Variants in ATP6V0A4 observed in about 807,000 individuals in gnomAD.
ATP6V0A4 encodes ATPase H+ transporting V0 subunit a4, also known as V-type proton ATPase 116 kDa subunit a 4.
In ATP6V0A4, 86 loss-of-function variants were observed where a neutral mutation model predicts 107.3. That is an observed-to-expected ratio of 0.80 (90% CI 0.67 to 0.96). The LOEUF (loss-of-function observed/expected upper bound fraction) is 0.96, where lower values mean the gene tolerates loss of function less well. Ranked by LOEUF, ATP6V0A4 falls within the 40% of genes least tolerant of loss-of-function variation. The pLI is 0.00. For missense variants in ATP6V0A4, 908 were observed against 1,045.6 expected (o/e 0.87, Z 1.81); for synonymous variants, 353 against 381.4 (o/e 0.93, Z 0.87).
intron 12 of ATP6V0A4, 120 bp downstream of exon 12, chr7:138,749,047 T>C: frequency 7.6e-7 from 1 of 1,316,330 alleles, no homozygotes. Flanking sequence ...TTCCCACAGC[T>C]ACTACCCTAG....
rs576414749 is a variant in ATP6V0A4, at chr7:138,724,601, G to A, written c.2011-2576C>T. 3.9e-5 allele frequency among the ~76,000 whole-genome samples: 6 copies of A among 152,308 alleles called. No individual in the cohort carries two copies. The East Asian group carries it at 9.7e-4, about 25-fold the overall frequency. ...TGCCAAGAGCCAGCTTCTAGGTTAG[G>A]CTGTCCCCAACACCTTGTGGTTCTT... On this transcript the variant is annotated intron_variant, in intron 18 of 21. Transcript: ENST00000310018.
Position 138,747,571 on chromosome 7 carries a change from AG to A in ATP6V0A4, c.1181-8del. 6.2e-7 allele frequency: 1 copy of A among 1,613,808 alleles called. No homozygotes were observed. Among genetic ancestry groups the A allele is most frequent in the East Asian group, 2.2e-5 (1 of 44,838 alleles). On this transcript the variant is annotated splice_region_variant and splice_polypyrimidine_tract_variant and intron_variant, in intron 12 of 21. Coordinates refer to ENST00000310018, the MANE Select transcript of ATP6V0A4 (RefSeq NM_020632.3). ...GTGATGATGGTGTAGGGGGCTGCGG[AG>A]GGGAGACACACAACGCCTGAGGCCT... is the stretch of plus-strand genomic sequence containing the variant.
intron 14 of ATP6V0A4, among the ~76,000 whole-genome samples, chr7:138,744,167 GC>G (rs1276954875): frequency 2.6e-5 from 4 of 151,246 alleles, no homozygotes; most frequent in Non-Finnish European, 5.9e-5. Context: ...GGTGTCCCCT[GC>G]CCCCAACTCT....
intron 8 of ATP6V0A4, among the ~76,000 whole-genome samples, chr7:138,758,692 G>GTT (rs1052026986): frequency 7.0e-6 from 1 of 141,928 alleles, no homozygotes; most frequent in Admixed American, 7.4e-5. Flanking sequence ...TCTGGGAGTT[G>GTT]TAAGAACTGC....
intron 20 of ATP6V0A4, among the ~76,000 whole-genome samples, chr7:138,713,402 A>G (rs1465120404): frequency 2.0e-5 from 3 of 151,848 alleles, no homozygotes; most frequent in African/African-American, 7.3e-5. Context: ...TTGTGGGAGG[A>G]AATGAACACA....
At chr7:138,708,973 C>T (rs1042884832) in intron 21 of ATP6V0A4, among the ~76,000 whole-genome samples, 1 of 152,176 alleles carries the variant, frequency 6.6e-6, no homozygotes, top group Non-Finnish European at 1.5e-5. Context: ...CTTCAGGAGG[C>T]TGAGGCGGGT....
At chr7:138,720,377 G>A (rs913231063) in intron 19 of ATP6V0A4, among the ~76,000 whole-genome samples, 1 of 152,184 alleles carries the variant, frequency 6.6e-6, no homozygotes, top group East Asian at 1.9e-4. Context: ...CCAAGCAAGG[G>A]CAGCCTGCTC....
chr7:138,768,836 G>C lies in ATP6V0A4; in HGVS notation c.235C>G (p.Gln79Glu). 6.2e-7 allele frequency: 1 copy of C among 1,614,150 alleles called. No homozygotes were observed. Among genetic ancestry groups the C allele is most frequent in the Non-Finnish European group, 8.5e-7 (1 of 1,180,020 alleles). Residue 79 changes from glutamine to glutamate, a missense_variant, in exon 5 of 22, where the codon CAG becomes GAG. Physicochemically the swap from Gln to Glu is conservative, Grantham distance 29. Transcript: ENST00000310018. ...GTCAGTGGGCTTTTCTCGAGCAACTGAACTACAATCTCATTTTGCATCTCG... is the reference window on the plus strand; with the variant it reads ...GTCAGTGGGCTTTTCTCGAGCAACTCAACTACAATCTCATTTTGCATCTCG... ...EDEMQNEIVV[Q>E]LLEKSPLTPL...
Position 138,715,858 on chromosome 7 carries a change from G to A in ATP6V0A4, c.2163C>T (p.Val721=), listed in dbSNP as rs764735553. ...GEEFNFGDVF[V]HQAIHTIEYC... is the part of the protein sequence containing the mutation. Reference sequence around the variant, plus strand: ...ACTCGATGGTGTGGATGGCTTGGTGGACAAAGACGTCTCCAAAGTTGAACT... The same window carrying A: ...ACTCGATGGTGTGGATGGCTTGGTGAACAAAGACGTCTCCAAAGTTGAACT... Residue 721 remains valine, a synonymous_variant, in exon 20 of 22, where the codon GTC becomes GTT. Coordinates refer to ENST00000310018, the MANE Select transcript of ATP6V0A4 (RefSeq NM_020632.3). 3.7e-6 allele frequency: 6 copies of A among 1,613,556 alleles called. No homozygotes were observed. Among genetic ancestry groups the A allele is most frequent in the Middle Eastern group, 1.7e-4 (1 of 6,054 alleles).
chr7:138,747,365 C>G, intron 13 of ATP6V0A4, 60 bp downstream of exon 13: 1 of 1,579,296 alleles, frequency 6.3e-7, no homozygotes, highest in Non-Finnish European at 8.7e-7. Flanking sequence ...TGGTGAAAAC[C>G]ACATACAGAT....
chr7:138,780,211 A>C (rs1217911978), intron 2 of ATP6V0A4: 2 of 152,206 alleles, frequency 1.3e-5, no homozygotes, highest in Admixed American at 1.3e-4. Flanking sequence ...TGTGGAAGAC[A>C]GTTTTTCCAC....
chr7:138,782,255 A>G (rs771295672), intron 2 of ATP6V0A4, among the ~76,000 whole-genome samples: 1 of 152,184 alleles, frequency 6.6e-6, no homozygotes, highest in Non-Finnish European at 1.5e-5. Context: ...AATCTTTGGC[A>G]TTCCTTGGCT....
chr7:138,730,341 A>AGTGTGTGTGTGTGTGT lies in ATP6V0A4; in HGVS notation c.1909-1495_1909-1480dup, dbSNP rs369725759. Among the ~76,000 whole-genome samples, 19 of 140,140 alleles carry AGTGTGTGTGTGTGTGT rather than the reference A, an allele frequency of 1.4e-4. No individual in the cohort carries two copies. The South Asian group carries it at 2.9e-3, about 21-fold the overall frequency. 91.9% of individuals were successfully genotyped at this position (140,140 alleles called of 152,430 possible). A position where few individuals can be genotyped will look rare whatever the true frequency, so the allele number is the denominator to read the frequency against. On this transcript the variant is annotated intron_variant, in intron 17 of 21. Coordinates refer to ENST00000310018, the MANE Select transcript of ATP6V0A4 (RefSeq NM_020632.3). ...CGATGACGTACAAAGCAACGGGATG[A>AGTGTGTGTGTGTGTGT]GTGTGTGTGTGTGTGTGTGTGTGTG...
intron 20 of ATP6V0A4, 84 bp from the exon 21 acceptor site, chr7:138,709,879 TA>T: frequency 1.5e-6 from 2 of 1,370,262 alleles, no homozygotes; most frequent in Non-Finnish European, 1.9e-6. Context: ...TAATTAAAAA[TA>T]TATATATATT....
In ATP6V0A4 at chr7:138,709,751, G is replaced by A. The variant is rs772398809; in HGVS notation, c.2302C>T (p.Gln768Ter). 2 of 1,614,118 alleles carry A rather than the reference G, an allele frequency of 1.2e-6. No homozygotes were observed. Among genetic ancestry groups the A allele is most frequent in the East Asian group, 4.5e-5 (2 of 44,890 alleles). The part of the protein sequence containing the change: ...LWTMVMNSGL[Q>*]TRGWGGIVGV... ...ACGATTCCTCCCCAGCCTCGCGTCT[G>A]AAGGCCGCTGTTCATCACCATAGTC... The change falls in exon 21 of 22, where the codon CAG becomes TAG. Residue 768 changes from glutamine (Q) to a stop codon, truncating the protein, a stop_gained. Transcript: ENST00000310018. LOFTEE classifies it high-confidence loss of function.
rs1807362667 is a variant in ATP6V0A4 at position 138,771,156 on chromosome 7, T to C, written c.92A>G (p.Glu31Gly). The C allele has an allele frequency of 6.2e-7, 1 of 1,614,050 alleles. No individual in the cohort carries two copies. The highest frequency in any genetic ancestry group is 8.5e-7 in the Non-Finnish European group (1 of 1,180,018). ...AAYCCVAELG[E>G]LGLVQFKDLN... ...ATCTTTGAACTGAACCAATCCGAGC[T>C]CTCCGAGCTCAGCCACACAGCAATA... The change falls in exon 3 of 22, where the codon GAG becomes GGG. Residue 31 changes from glutamate (E) to glycine (G), a missense_variant. Coordinates refer to ENST00000310018, the MANE Select transcript of ATP6V0A4 (RefSeq NM_020632.3).
At position 138,763,013 on chromosome 7, in the gene ATP6V0A4, T is replaced by C. The variant is rs890598515; in HGVS notation, c.304A>G (p.Lys102Glu). 6.2e-7 allele frequency: 1 copy of C among 1,614,074 alleles called. No individual in the cohort carries two copies. Among genetic ancestry groups the C allele is most frequent in the Non-Finnish European group, 8.5e-7 (1 of 1,180,024 alleles). Residue 102 changes from lysine to glutamate, a missense_variant, in exon 6 of 22, where the codon AAA (lysine) becomes GAA (glutamate). Coordinates refer to ENST00000310018, the MANE Select transcript of ATP6V0A4 (RefSeq NM_020632.3). Reference sequence around the variant, plus strand: ...GCTTCCTGTAACTCTCCTTCCAGTTTTTCTAGAACAGTCTATGCAGGAAGG... The same window carrying C: ...GCTTCCTGTAACTCTCCTTCCAGTTCTTCTAGAACAGTCTATGCAGGAAGG... ...EMITLETVLE[K>E]LEGELQEANQ...
rs1417451265 is a variant in ATP6V0A4 at position 138,773,507 on chromosome 7, C to T, written c.-17-2243G>A. On this transcript the variant is annotated intron_variant, in intron 2 of 21. Transcript: ENST00000310018. This position sits in a 1 kb window ranked among gnomAD's most constrained non-coding sequence, Gnocchi z 5.4. ...AATCGCTTGTTTAACTGCCTGGATT[C>T]CCCACACACAAACCAGTGAAGTCCA... 1.3e-5 allele frequency among the ~76,000 whole-genome samples: 2 copies of T among 152,178 alleles called. No individual in the cohort carries two copies. Among genetic ancestry groups the T allele is most frequent in the Non-Finnish European group, 2.9e-5 (2 of 68,032 alleles).
At chr7:138,741,099 G>A (rs1201594225) in intron 14 of ATP6V0A4, among the ~76,000 whole-genome samples, 3 of 152,028 alleles carry the variant, frequency 2.0e-5, no homozygotes, top group Admixed American at 6.6e-5. Flanking sequence ...AGCCAAGATT[G>A]CACCACTGCA....
Sources: gnomAD v4.1 joint callset for allele counts (sites outside exome capture counted in the v4.1 genomes callset) on GRCh38, gnomAD v4.1.1 for gene constraint, Gnocchi (gnomAD v3.1) non-coding constraint, MANE v1.5 for transcripts, NCBI Gene and HGNC (gene_info 2026-07-23, HGNC 2026-07-21) for gene names.